ADGRV1: variants seen among roughly 807,000 people sequenced by gnomAD.
ADGRV1 encodes the protein G-protein coupled receptor 98.
A neutral mutation model predicts 596.2 loss-of-function variants in ADGRV1; 359 were observed. That is an observed-to-expected ratio of 0.60 (90% CI 0.55 to 0.66). ADGRV1 has a LOEUF of 0.66. Among genes scored for constraint, ADGRV1 ranks in the 30% least tolerant of loss-of-function variants. ADGRV1 has a pLI of 0.00. For synonymous variants in ADGRV1, 2,681 were observed against 2,679.2 expected (o/e 1.00, Z -0.02); for missense variants, 7,274 against 7,575.6 (o/e 0.96, Z 1.48).
intron 83 of ADGRV1, among the ~76,000 whole-genome samples, chr5:90,940,492 C>T (rs1776080412): frequency 6.6e-6 from 1 of 152,182 alleles, no homozygotes; most frequent in African/African-American, 2.4e-5. Flanking sequence ...AGTTTCAGTA[C>T]AATGCTCTGT....
At position 90,807,637 on chromosome 5, in the gene ADGRV1, G is replaced by A. The variant is rs1161479804; in HGVS notation, c.14872G>A (p.Gly4958Arg). 2 of 1,613,148 alleles carry A rather than the reference G, an allele frequency of 1.2e-6. No individual in the cohort carries two copies. The highest frequency in any genetic ancestry group is 2.2e-5 in the South Asian group (2 of 90,952). Reference protein sequence around the residue: ...LSFSHGEQRKGVFLWTFPSPG... With the variant: ...LSFSHGEQRKRVFLWTFPSPG... Reference sequence around the variant, plus strand: ...ATTTTCCCACGGTGAACAAAGGAAAGGAGTTTTCCTGTGGACGTTTCCTAG... The same window carrying A: ...ATTTTCCCACGGTGAACAAAGGAAAAGAGTTTTCCTGTGGACGTTTCCTAG... The change falls in exon 73 of 90, where the codon GGA becomes AGA. Residue 4958 changes from glycine to arginine, a missense_variant. Gly to Arg is a moderately radical substitution (Grantham distance 125). Transcript: ENST00000405460.
Position 90,783,111 on chromosome 5 carries a change from GTTCCCA to G in ADGRV1, c.13232-10_13232-5del. On this transcript the variant is annotated splice_polypyrimidine_tract_variant and splice_region_variant and intron_variant, in intron 65 of 89. Transcript: ENST00000405460. ...TGTCTGGCTTACCAATTAATTCCAA[GTTCCCA>G]TTACAGTGGAGGAAGATGTTGGGCT... The G allele has an allele frequency of 6.2e-7, 1 of 1,608,676 alleles. No individual in the cohort carries two copies.
At chr5:90,681,099 A>G (rs1036020857) in intron 26 of ADGRV1, among the ~76,000 whole-genome samples, 2 of 152,226 alleles carry the variant, frequency 1.3e-5, no homozygotes, top group Non-Finnish European at 1.5e-5. Context: ...CTTATGCAGC[A>G]CTTGTACATC....
chr5:90,969,381 A>T (rs534974984), intron 84 of ADGRV1, among the ~76,000 whole-genome samples: 1 of 152,338 alleles, frequency 6.6e-6, no homozygotes, highest in Non-Finnish European at 1.5e-5. Flanking sequence ...ACCAAAGAAG[A>T]TCATCTTCAT....
Position 90,697,040 on chromosome 5 carries a change from A to G in ADGRV1, c.8049A>G (p.Arg2683=), listed in dbSNP as rs1412322170. The G allele has an allele frequency of 1.9e-6, 3 of 1,613,426 alleles. No homozygotes were observed. The East Asian group carries it at 6.7e-5, about 36-fold the overall frequency. The change falls in exon 34 of 90, where the codon AGA becomes AGG. Residue 2683 remains arginine, a synonymous_variant. Transcript: ENST00000405460. ...TGGTGTACACTGAAGGTGGAAGTAG[A>G]ATTTTGCCAAGCTCCGACACTGTTA... The part of the protein sequence containing the change: ...VSLVYTEGGS[R]ILPSSDTVRV...
At chr5:90,564,977 G>A (rs905387456) in intron 1 of ADGRV1, among the ~76,000 whole-genome samples, 4 of 151,354 alleles carry the variant, frequency 2.6e-5, no homozygotes, top group African/African-American at 4.8e-5. Flanking sequence ...GCTCACTCCC[G>A]TAATCCCAAC....
chr5:90,559,708 T>C (rs1458113770), intron 1 of ADGRV1, among the ~76,000 whole-genome samples: 3 of 152,170 alleles, frequency 2.0e-5, no homozygotes, highest in Non-Finnish European at 4.4e-5. Context: ...GAAACTGATA[T>C]CAAATTTTAA....
chr5:90,928,384 A>C (rs1026979727), intron 83 of ADGRV1, among the ~76,000 whole-genome samples: 41 of 151,070 alleles, frequency 2.7e-4, no homozygotes, highest in African/African-American at 9.5e-4. Flanking sequence ...CATTCATTTC[A>C]TCTTCCATTG....
At chr5:90,921,036 C>T (rs1253680516) in intron 83 of ADGRV1, among the ~76,000 whole-genome samples, 1 of 152,116 alleles carries the variant, frequency 6.6e-6, no homozygotes, top group Admixed American at 6.6e-5. Context: ...ATAAATAAAA[C>T]ACTATCAACA....
At position 90,928,917 on chromosome 5, in the gene ADGRV1, G is replaced by GA. The variant is rs550399052; in HGVS notation, c.17857-36498_17857-36497insA. Among the ~76,000 whole-genome samples, 358 of 145,238 alleles carry GA rather than the reference G, an allele frequency of 2.5e-3. 3 individuals are homozygous for GA. The highest frequency in any genetic ancestry group is 7.2e-3 in the African/African-American group (285 of 39,378). On this transcript the variant is annotated intron_variant, in intron 83 of 89. Coordinates refer to ENST00000405460, the MANE Select transcript of ADGRV1 (RefSeq NM_032119.4). Reference sequence around the variant, plus strand: ...TGTGAGGTGTCAGTGTGCCCCTGCTGGGGGGTGCCTCCCAGTTAGGCTGCT... The same window carrying GA: ...TGTGAGGTGTCAGTGTGCCCCTGCTGAGGGGGTGCCTCCCAGTTAGGCTGCT...
intron 88 of ADGRV1, among the ~76,000 whole-genome samples, chr5:91,151,191 T>C (rs1054970221): frequency 2.6e-5 from 4 of 152,198 alleles, no homozygotes; most frequent in Non-Finnish European, 4.4e-5. Flanking sequence ...AACTTACCTG[T>C]CCAGAGATAA....
At position 90,866,391 on chromosome 5, in the gene ADGRV1, T is replaced by C. The variant is rs539265059; in HGVS notation, c.17856+2534T>C. On this transcript the variant is annotated intron_variant, in intron 83 of 89. Coordinates refer to ENST00000405460, the MANE Select transcript of ADGRV1 (RefSeq NM_032119.4). ...TAGATACAAATCCAAAGATTATTCC[T>C]GCTTTAAAAATCAAGATTCTGCTTG... Among the ~76,000 whole-genome samples, 8 of 151,712 alleles carry C rather than the reference T, an allele frequency of 5.3e-5. No homozygotes were observed. In the South Asian group the frequency reaches 1.5e-3, roughly 28 times the overall value.
intron 84 of ADGRV1, among the ~76,000 whole-genome samples, chr5:90,971,538 A>G (rs2447414): frequency 6.6e-6 from 1 of 152,190 alleles, no homozygotes; most frequent in Admixed American, 6.5e-5. Flanking sequence ...GAGAGTGGGG[A>G]CCAATATTCA....
intron 13 of ADGRV1, 51 bp from the exon 14 acceptor site, chr5:90,643,752 G>T: frequency 7.5e-7 from 1 of 1,337,390 alleles, no homozygotes; most frequent in Non-Finnish European, 1.0e-6. Context: ...TTTTAAATTT[G>T]TTGTGAAAAG....
chr5:90,653,429 G>A lies in ADGRV1; in HGVS notation c.3855G>A (p.Trp1285Ter), dbSNP rs1028784575. The change falls in exon 20 of 90, where the codon TGG (tryptophan) becomes TGA (stop). Residue 1285 changes from tryptophan to a stop codon, truncating the protein, a stop_gained. Transcript: ENST00000405460. LOFTEE classifies it high-confidence loss of function. Reference protein sequence around the residue: ...QGVFGDVQLGWEILSSEFPAG... With the variant: ...QGVFGDVQLG The stretch of plus-strand genomic sequence containing the variant: ...TGTTTGGTGATGTACAACTGGGCTG[G>A]GAAATACTGTCCAGTGAGTTCCCTG... 1 of 1,613,912 alleles carries A rather than the reference G, an allele frequency of 6.2e-7. No individual in the cohort carries two copies. Among genetic ancestry groups the A allele is most frequent in the Admixed American group, 1.7e-5 (1 of 59,994 alleles).
chr5:90,704,195 A>T (rs1048373706), intron 35 of ADGRV1, among the ~76,000 whole-genome samples, 194 bp from the exon 36 acceptor site: 2 of 152,166 alleles, frequency 1.3e-5, no homozygotes, highest in Non-Finnish European at 2.9e-5. Context: ...GATCTTCCAC[A>T]ATTAGCCCCT....
At chr5:90,751,699 C>A (rs1755273931) in intron 53 of ADGRV1, among the ~76,000 whole-genome samples, 1 of 152,032 alleles carries the variant, frequency 6.6e-6, no homozygotes, top group Admixed American at 6.6e-5. Context: ...CTGAAGAGTT[C>A]TTTTAAAGGA....
intron 83 of ADGRV1, among the ~76,000 whole-genome samples, chr5:90,879,087 T>G (rs771691975): frequency 3.3e-4 from 51 of 152,326 alleles, no homozygotes; most frequent in Admixed American, 5.2e-4. Context: ...TTTGTTCCAG[T>G]TCTTCCAGTC....
intron 20 of ADGRV1, chr5:90,655,921 G>A (rs1344025677): frequency 1.3e-5 from 2 of 152,092 alleles, no homozygotes; most frequent in Non-Finnish European, 2.9e-5. Flanking sequence ...CTGTTAACAT[G>A]TTCGTATACA....
Sources: allele counts gnomAD v4.1 joint callset (sites outside exome capture counted in the v4.1 genomes callset), GRCh38; gene constraint gnomAD v4.1.1; transcripts MANE v1.5; gene names NCBI Gene and HGNC (gene_info 2026-07-23, HGNC 2026-07-21).